ZNF638: variants seen among roughly 807,000 people sequenced by gnomAD.
ZNF638 encodes the protein CTCL tumor antigen se33-1.
ZNF638 carries 46 observed loss-of-function variants against 195.6 expected under a neutral mutation model. That is an observed-to-expected ratio of 0.24 (90% CI 0.19 to 0.30). The LOEUF (loss-of-function observed/expected upper bound fraction) is 0.30. ZNF638 is among the 10% of genes least tolerant of loss of function. ZNF638 has a pLI of 1.00. For missense variants in ZNF638, 2,440 were observed against 2,325.3 expected (o/e 1.05, Z -1.01); for synonymous variants, 845 against 772.0 (o/e 1.09, Z -1.57).
At chr2:71,399,717 C>A in intron 13 of ZNF638, 72 bp downstream of exon 13, 1 of 1,234,880 alleles carries the variant, frequency 8.1e-7, no homozygotes, top group Non-Finnish European at 1.2e-6. Context: ...TTCAGGGGTA[C>A]ATGTGCAGGT....
chr2:71,432,566 G>A (rs1573183778), intron 26 of ZNF638, among the ~76,000 whole-genome samples: 1 of 152,168 alleles, frequency 6.6e-6, no homozygotes, highest in Non-Finnish European at 1.5e-5. Flanking sequence ...TTATTGAACA[G>A]TTCTTTGTTA....
Position 71,349,165 on chromosome 2 carries a change from G to A in ZNF638, c.211G>A (p.Val71Ile). ...GAACATGGGGCCACAGAGAATGAATGTTCAGGTAACTCAACACAGAACTGA... is the reference window on the plus strand; with the variant it reads ...GAACATGGGGCCACAGAGAATGAATATTCAGGTAACTCAACACAGAACTGA... ...YQNMGPQRMNVQVTQHRTDPR... is the reference protein window; with the variant it reads ...YQNMGPQRMNIQVTQHRTDPR... Residue 71 changes from valine to isoleucine, a missense_variant, in exon 2 of 28, where the codon GTT becomes ATT. Val to Ile is a conservative substitution (Grantham distance 29). This residue lies in a region of ZNF638 where 191 missense variants were observed against 173.8 expected (regional missense o/e 1.10). Coordinates refer to ENST00000264447, the MANE Select transcript of ZNF638 (RefSeq NM_014497.5). 6.2e-7 allele frequency: 1 copy of A among 1,614,182 alleles called. No homozygotes were observed. The highest frequency in any genetic ancestry group is 8.5e-7 in the Non-Finnish European group (1 of 1,180,034).
chr2:71,349,513 C>G lies in ZNF638; in HGVS notation c.559C>G (p.Pro187Ala). 6.2e-7 allele frequency: 1 copy of G among 1,614,116 alleles called. No homozygotes were observed. The highest frequency in any genetic ancestry group is 8.5e-7 in the Non-Finnish European group (1 of 1,180,022). ...AATGCGAAAAATGGGGCGCCGATTA[C>G]CTAATTTACCTTCTCAGAGCAGAAA... Reference protein sequence around the residue: ...IRMRKMGRRLPNLPSQSRNKE... With the variant: ...IRMRKMGRRLANLPSQSRNKE... Residue 187 changes from proline to alanine, a missense_variant, in exon 2 of 28, where the codon CCT becomes GCT. This residue lies in a region of ZNF638 where 305 missense variants were observed against 283.6 expected (regional missense o/e 1.08). Coordinates refer to ENST00000264447, the MANE Select transcript of ZNF638 (RefSeq NM_014497.5).
At chr2:71,431,684 C>T (rs111515134) in intron 26 of ZNF638, among the ~76,000 whole-genome samples, 12,516 of 150,996 alleles carry the variant, frequency 0.083, 580 homozygotes, top group East Asian at 0.14. Context: ...GGCGTGAACC[C>T]GGGAGGCGGA....
intron 15 of ZNF638, 29 bp downstream of exon 15, chr2:71,400,547 T>G (rs900555729): frequency 6.3e-7 from 1 of 1,575,250 alleles, no homozygotes; most frequent in Non-Finnish European, 8.6e-7. Context: ...TTTATTTCTT[T>G]AAAGCTCAAG....
chr2:71,395,452 A>G, intron 10 of ZNF638: 2 of 623,876 alleles, frequency 3.2e-6, no homozygotes, highest in Admixed American at 2.7e-5. Context: ...GGGAGAGAAT[A>G]AAGGCTGAAG....
intron 15 of ZNF638, among the ~76,000 whole-genome samples, chr2:71,401,562 A>C (rs1456558888): frequency 1.3e-5 from 2 of 152,082 alleles, no homozygotes; most frequent in Admixed American, 6.6e-5. Flanking sequence ...GTTTTAAAAC[A>C]GTGGGTGACA....
At chr2:71,379,712 T>C (rs573424430) in intron 8 of ZNF638, 1 of 152,378 alleles carries the variant, frequency 6.6e-6, no homozygotes, top group South Asian at 2.1e-4. Flanking sequence ...CGTATTCACG[T>C]AAGTTTTATT....
chr2:71,399,157 A>T (rs2079955194), intron 12 of ZNF638, among the ~76,000 whole-genome samples: 1 of 151,832 alleles, frequency 6.6e-6, no homozygotes, highest in Non-Finnish European at 1.5e-5. Context: ...AGGAGAATTC[A>T]TTTTTTTTCA....
intron 13 of ZNF638, among the ~76,000 whole-genome samples, 187 bp downstream of exon 13, chr2:71,399,832 C>G (rs1011634303): frequency 6.6e-6 from 1 of 152,130 alleles, no homozygotes; most frequent in Non-Finnish European, 1.5e-5. Context: ...TCCTCTCCTT[C>G]GTCCCATCCT....
At chr2:71,373,292 C>G (rs1317128200) in intron 8 of ZNF638, among the ~76,000 whole-genome samples, 1 of 132,404 alleles carries the variant, frequency 7.6e-6, no homozygotes, top group Non-Finnish European at 1.5e-5. Context: ...GTATCTTTTC[C>G]TATTTTATTA....
intron 1 of ZNF638, chr2:71,334,667 T>TA (rs1264956382): frequency 1.3e-5 from 2 of 152,406 alleles, no homozygotes; most frequent in Non-Finnish European, 2.9e-5. Flanking sequence ...CTCATGCCTG[T>TA]AATCCCAGCA....
At chr2:71,434,428 A>G (rs2080726363) in intron 27 of ZNF638, among the ~76,000 whole-genome samples, 1 of 152,188 alleles carries the variant, frequency 6.6e-6, no homozygotes. Context: ...TAAAGTGCTT[A>G]CCACCGCCCC....
chr2:71,391,724 G>T (rs1452611026), intron 10 of ZNF638, among the ~76,000 whole-genome samples: 2 of 152,034 alleles, frequency 1.3e-5, no homozygotes, highest in Non-Finnish European at 2.9e-5. Flanking sequence ...GATATTAACT[G>T]GCATCCCCCC....
rs1296221213 is a variant in ZNF638 at position 71,401,957 on chromosome 2, A to C, written c.2699A>C (p.Glu900Ala). The C allele has an allele frequency of 1.0e-5, 16 of 1,559,146 alleles. No homozygotes were observed. Among genetic ancestry groups the C allele is most frequent in the Non-Finnish European group, 1.4e-5 (16 of 1,154,166 alleles). ...AGGTTTTAAAAATTTGTTTTGAAGGAAACAGAAGAAATGTGTGTGATGCTT... is the reference window on the plus strand; with the variant it reads ...AGGTTTTAAAAATTTGTTTTGAAGGCAACAGAAGAAATGTGTGTGATGCTT... ...EATENEPLNK[E>A]TEEMCVMLVS... Residue 900 changes from glutamate to alanine, a missense_variant and splice_region_variant, in exon 16 of 28, where the codon GAA (glutamate) becomes GCA (alanine). Around this residue, in one of 5 missense-constraint regions of ZNF638, gnomAD observed 1,883 missense variants for 1,739.1 expected, o/e 1.08. Transcript: ENST00000264447.
In ZNF638 at chr2:71,349,750, G is replaced by A; in HGVS notation, c.796G>A (p.Glu266Lys). The change falls in exon 2 of 28, where the codon GAA becomes AAA. Residue 266 changes from glutamate (E) to lysine (K), a missense_variant. This residue lies in a region of ZNF638 where 305 missense variants were observed against 283.6 expected (regional missense o/e 1.08). Coordinates refer to ENST00000264447, the MANE Select transcript of ZNF638 (RefSeq NM_014497.5). ...NVICNSMFPV[E>K]DVFRQMDFPG... ...GATATGTAATTCTATGTTTCCTGTT[G>A]AAGACGTATTTCGCCAAATGGACTT... The A allele has an allele frequency of 2.5e-6, 4 of 1,614,154 alleles. No homozygotes were observed. The highest frequency in any genetic ancestry group is 1.6e-4 in the Middle Eastern group (1 of 6,062).
chr2:71,390,145 G>C (rs891567362), intron 10 of ZNF638, among the ~76,000 whole-genome samples: 3 of 152,172 alleles, frequency 2.0e-5, no homozygotes, highest in Non-Finnish European at 4.4e-5. Flanking sequence ...GCAAATCAGT[G>C]CAAGTCCAAA....
chr2:71,334,298 A>T (rs1186556433), intron 1 of ZNF638, among the ~76,000 whole-genome samples: 2 of 152,222 alleles, frequency 1.3e-5, no homozygotes, highest in East Asian at 1.9e-4. Context: ...AAAATGCCTT[A>T]TATACTTAGA....
At chr2:71,335,293 A>G (rs1423396578) in intron 1 of ZNF638, among the ~76,000 whole-genome samples, 2 of 152,124 alleles carry the variant, frequency 1.3e-5, no homozygotes, top group African/African-American at 4.8e-5. Context: ...CTCCCACCTT[A>G]ACCCGCCTAA....
Sources: gnomAD v4.1 joint callset for allele counts (sites outside exome capture counted in the v4.1 genomes callset) on GRCh38, gnomAD v4.1.1 for gene constraint, gnomAD v4.1.1 regional missense constraint, MANE v1.5 for transcripts, NCBI Gene and HGNC (gene_info 2026-07-23, HGNC 2026-07-21) for gene names.